The following CTNNA2 variants were observed in gnomAD, a reference collection of about 807,000 sequenced individuals.
The protein encoded by CTNNA2 is catenin alpha-2.
CTNNA2 carries 42 observed loss-of-function variants against 101.0 expected under a neutral mutation model. That is an observed-to-expected ratio of 0.42 (90% CI 0.32 to 0.54). The LOEUF is 0.54. Among genes scored for constraint, CTNNA2 ranks in the 20% least tolerant of loss-of-function variants. The probability of loss-of-function intolerance (pLI) is 0.14; values close to 1 mark genes in which losing one functional copy is unlikely to be tolerated. For missense variants in CTNNA2, 871 were observed against 1,223.1 expected (o/e 0.71, Z 4.29); for synonymous variants, 450 against 456.4 (o/e 0.99, Z 0.18).
At chr2:80,573,865 G>A (rs1360256572) in intron 12 of CTNNA2, among the ~76,000 whole-genome samples, 1 of 152,110 alleles carries the variant, frequency 6.6e-6, no homozygotes, top group Non-Finnish European at 1.5e-5. Context: ...TGGGGTTAGG[G>A]TAACATGAAA....
At chr2:79,634,939 G>C (rs1679920360) in intron 1 of CTNNA2, among the ~76,000 whole-genome samples, 4 of 152,134 alleles carry the variant, frequency 2.6e-5, no homozygotes, top group African/African-American at 9.7e-5. Context: ...TTTATTCTTA[G>C]GCAGTGGGAG....
intron 7 of CTNNA2, among the ~76,000 whole-genome samples, chr2:80,063,654 T>G (rs775066271): frequency 3.3e-5 from 5 of 152,232 alleles, no homozygotes; most frequent in Admixed American, 6.5e-5. Context: ...TTTCTGATAC[T>G]CCTTAGAGAA....
At chr2:79,636,239 C>T (rs1313901192) in intron 1 of CTNNA2, among the ~76,000 whole-genome samples, 4 of 130,860 alleles carry the variant, frequency 3.1e-5, no homozygotes, top group Admixed American at 9.0e-5. Flanking sequence ...CACTGCACTC[C>T]AGCCTGGGCA....
rs1420622674 is a variant in CTNNA2 at position 80,485,145 on chromosome 2, G to A, written c.1291-59837G>A. Among the ~76,000 whole-genome samples the A allele has an allele frequency of 2.6e-5, 4 of 152,048 alleles. No homozygotes were observed. In the East Asian group the frequency reaches 5.8e-4, roughly 22 times the overall value. ...TGTTTTCCCAAGTCCTTTAAATCAG[G>A]CAAAGAATGTGTATATAAATTCTAC... On this transcript the variant is annotated intron_variant, in intron 9 of 18. Coordinates refer to ENST00000402739, the MANE Select transcript of CTNNA2 (RefSeq NM_001282597.3).
chr2:79,205,012 C>A (rs1674083701), intron 2 of CTNNA2, among the ~76,000 whole-genome samples: 1 of 152,218 alleles, frequency 6.6e-6, no homozygotes, highest in Admixed American at 6.5e-5. Context: ...CATCAGAAAG[C>A]AGAGTTTAGT....
At chr2:79,834,924 C>T (rs1679204150) in intron 3 of CTNNA2, among the ~76,000 whole-genome samples, 1 of 152,072 alleles carries the variant, frequency 6.6e-6, no homozygotes, top group African/African-American at 2.4e-5. Flanking sequence ...ATATTTAGCA[C>T]TGTTTATTAA....
chr2:80,351,170 A>G (rs1673256621), intron 7 of CTNNA2, among the ~76,000 whole-genome samples: 1 of 152,138 alleles, frequency 6.6e-6, no homozygotes. Flanking sequence ...AATGAAACAC[A>G]TACACACGCA....
intron 3 of CTNNA2, among the ~76,000 whole-genome samples, chr2:79,843,847 T>TAA (rs1680006760): frequency 6.6e-6 from 1 of 152,176 alleles, no homozygotes; most frequent in Non-Finnish European, 1.5e-5. Flanking sequence ...CCATAATGTG[T>TAA]AAATGACAAA....
intron 2 of CTNNA2, among the ~76,000 whole-genome samples, chr2:79,710,369 A>G (rs1685661574): frequency 6.6e-6 from 1 of 152,222 alleles, no homozygotes; most frequent in Admixed American, 6.5e-5. Flanking sequence ...ACACTGAATT[A>G]GTGGCTCAAA....
At chr2:79,192,093 A>G (rs1673882153) in intron 1 of CTNNA2, among the ~76,000 whole-genome samples, 1 of 151,070 alleles carries the variant, frequency 6.6e-6, no homozygotes, top group Non-Finnish European at 1.5e-5. Context: ...TTTTTTTTCC[A>G]GGGCTGGTTT....
intron 3 of CTNNA2, among the ~76,000 whole-genome samples, chr2:79,785,111 C>T (rs1423263773): frequency 6.6e-6 from 1 of 152,178 alleles, no homozygotes; most frequent in African/African-American, 2.4e-5. Context: ...CTATTTGCTT[C>T]TCTTTCTGCC....
intron 7 of CTNNA2, among the ~76,000 whole-genome samples, chr2:80,225,935 T>C (rs1436856095): frequency 6.6e-6 from 1 of 152,254 alleles, no homozygotes; most frequent in Non-Finnish European, 1.5e-5. Flanking sequence ...ACTGATTAGA[T>C]ACTAGGAGCC....
rs538774604 is a variant in CTNNA2, at chr2:80,479,677, G to A, written c.1290+60076G>A. On this transcript the variant is annotated intron_variant, in intron 9 of 18. Transcript: ENST00000402739. ...CTTTCTAAAAGATATCTACAAAGCTGAAATGTACTGCCCTAAAAAAAGGTA... is the reference window on the plus strand; with the variant it reads ...CTTTCTAAAAGATATCTACAAAGCTAAAATGTACTGCCCTAAAAAAAGGTA... Among the ~76,000 whole-genome samples the A allele has an allele frequency of 1.8e-4, 28 of 152,250 alleles. No individual in the cohort carries two copies. The South Asian group carries it at 5.2e-3, about 28-fold the overall frequency.
intron 13 of CTNNA2, 40 bp downstream of exon 13, chr2:80,574,354 C>A: frequency 1.3e-6 from 2 of 1,514,036 alleles, no homozygotes; most frequent in East Asian, 2.3e-5. Context: ...GTCAGATCTC[C>A]TAGTAGGAAA....
At chr2:80,545,807 A>AGAACGT in intron 10 of CTNNA2, 100 bp from the exon 11 acceptor site, 1 of 1,168,412 alleles carries the variant, frequency 8.6e-7, no homozygotes, top group East Asian at 2.5e-5. Flanking sequence ...ACTTATCTGT[A>AGAACGT]GAACGTACAG....
At chr2:79,648,003 T>A (rs1244883113) in intron 1 of CTNNA2, among the ~76,000 whole-genome samples, 1 of 152,218 alleles carries the variant, frequency 6.6e-6, no homozygotes, top group Non-Finnish European at 1.5e-5. Context: ...CACGTCATAT[T>A]TCTTAACATT....
intron 1 of CTNNA2, among the ~76,000 whole-genome samples, chr2:79,542,485 A>G (rs756390844): frequency 1.3e-5 from 2 of 152,048 alleles, no homozygotes; most frequent in Admixed American, 6.6e-5. Flanking sequence ...GAATGTCTCA[A>G]TTTTTTTGTC....
intron 9 of CTNNA2, among the ~76,000 whole-genome samples, chr2:80,436,209 C>T (rs1442122547): frequency 6.6e-6 from 1 of 152,092 alleles, no homozygotes; most frequent in Non-Finnish European, 1.5e-5. Flanking sequence ...TCAAGTATAT[C>T]AAGGGACAGA....
rs768539099 is a variant in CTNNA2 at position 80,419,547 on chromosome 2, G to A, written c.1236G>A (p.Lys412=). The A allele has an allele frequency of 3.0e-5, 49 of 1,613,736 alleles. No homozygotes were observed. Among genetic ancestry groups the A allele is most frequent in the Non-Finnish European group, 4.2e-5 (49 of 1,179,874 alleles). ...LIEAAKSGNE[K]EVKEYAQVFR... ...AGGCTGCAAAGAGCGGAAATGAAAA[G>A]GAAGTGAAAGAATATGCCCAAGTTT... Residue 412 remains lysine, a synonymous_variant, in exon 9 of 19, where the codon AAG becomes AAA. Coordinates refer to ENST00000402739, the MANE Select transcript of CTNNA2 (RefSeq NM_001282597.3).
Sources: gnomAD v4.1 joint callset for allele counts (sites outside exome capture counted in the v4.1 genomes callset) on GRCh38, gnomAD v4.1.1 for gene constraint, MANE v1.5 for transcripts, NCBI Gene and HGNC (gene_info 2026-07-23, HGNC 2026-07-21) for gene names.